The following HLF variants were observed in gnomAD, a reference collection of about 807,000 sequenced individuals.
HLF encodes hepatic leukemia factor.
HLF carries 3 observed loss-of-function variants against 22.6 expected under a neutral mutation model. The observed-to-expected ratio is 0.13, with a 90% CI of 0.06 to 0.34. The LOEUF (loss-of-function observed/expected upper bound fraction) is 0.34, where lower values mean the gene tolerates loss of function less well. Among genes scored for constraint, HLF ranks in the 10% least tolerant of loss-of-function variants. HLF has a pLI of 1.00. For synonymous variants in HLF, 151 were observed against 151.8 expected (o/e 0.99, Z 0.04); for missense variants, 299 against 389.2 (o/e 0.77, Z 1.95).
intron 2 of HLF, among the ~76,000 whole-genome samples, chr17:55,303,245 C>T (rs1904384552): frequency 6.6e-6 from 1 of 152,180 alleles, no homozygotes; most frequent in Admixed American, 6.5e-5. Context: ...ATGGTCATCA[C>T]ACCCACCATC....
chr17:55,275,585 G>A (rs1001391549), intron 2 of HLF, among the ~76,000 whole-genome samples: 1 of 152,110 alleles, frequency 6.6e-6, no homozygotes, highest in African/African-American at 2.4e-5. Context: ...TTTATCCTCC[G>A]GCTTGCAAGC....
Position 55,265,200 on chromosome 17 carries a change from T to G in HLF, c.-285T>G. 6.7e-6 allele frequency: 2 copies of G among 300,464 alleles called. No individual in the cohort carries two copies. Among genetic ancestry groups the G allele is most frequent in the South Asian group, 1.2e-4 (1 of 8,334 alleles). The allele number at this position is 300,464 out of a possible 1,614,324, so 18.6% of individuals were successfully genotyped here. ...TTTGAACATTTTGCAAAACGAGGGG[T>G]TCGAGGCAGGTGAGAGCATCCTGCA... On this transcript the variant is annotated 5_prime_UTR_variant, in exon 1 of 4. Coordinates refer to ENST00000226067, the MANE Select transcript of HLF (RefSeq NM_002126.5).
intron 2 of HLF, among the ~76,000 whole-genome samples, chr17:55,290,767 C>T (rs2081054276): frequency 1.3e-5 from 2 of 152,212 alleles, no homozygotes; most frequent in South Asian, 2.1e-4. Flanking sequence ...GAAGGTAGGT[C>T]GAAAGCCAAG....
At chr17:55,291,655 A>T (rs531862720) in intron 2 of HLF, among the ~76,000 whole-genome samples, 26 of 152,356 alleles carry the variant, frequency 1.7e-4, no homozygotes, top group Non-Finnish European at 2.6e-4. Flanking sequence ...CAGCCTATGG[A>T]TCAAGGAATA....
intron 2 of HLF, among the ~76,000 whole-genome samples, chr17:55,310,159 C>T (rs891332021): frequency 6.6e-6 from 1 of 152,148 alleles, no homozygotes; most frequent in African/African-American, 2.4e-5. Context: ...TTTGTTCCAC[C>T]CTTTCCTCCA....
At chr17:55,293,871 A>G (rs1478365975) in intron 2 of HLF, among the ~76,000 whole-genome samples, 3 of 152,238 alleles carry the variant, frequency 2.0e-5, no homozygotes, top group Middle Eastern at 3.4e-3. Flanking sequence ...TGTACCAGGG[A>G]CCTAGATGTG....
chr17:55,269,941 G>C (rs1001107992), intron 2 of HLF, among the ~76,000 whole-genome samples: 1 of 152,188 alleles, frequency 6.6e-6, no homozygotes, highest in Non-Finnish European at 1.5e-5. Flanking sequence ...TACCATGTTA[G>C]GAATACTATA....
In HLF at chr17:55,293,405, G is replaced by A. The variant is rs376625759; in HGVS notation, c.452-21822G>A. Among the ~76,000 whole-genome samples the A allele has an allele frequency of 1.1e-3, 163 of 152,260 alleles. 1 individual carries two copies. Among genetic ancestry groups the A allele is most frequent in the Middle Eastern group, 6.8e-3 (2 of 294 alleles). On this transcript the variant is annotated intron_variant, in intron 2 of 3. Transcript: ENST00000226067. ...GAGCTTCCCCCTTTATCTGCTGGCT[G>A]GTGAAGTCCTGAGAACCGGGCAGTC... is the stretch of plus-strand genomic sequence containing the variant.
chr17:55,313,120 A>C (rs770689438), intron 2 of HLF, among the ~76,000 whole-genome samples: 1 of 152,150 alleles, frequency 6.6e-6, no homozygotes, highest in Non-Finnish European at 1.5e-5. Context: ...ACCTACTTCC[A>C]TTGGAGGAAA....
rs754318054 is a variant in HLF at position 55,323,047 on chromosome 17, G to A, written c.*2168G>A. Reference sequence around the variant, plus strand: ...CCTTTAATGATCTGGTGGTCTCCTCGTCAATCCATCAGCAATGCTTCTCTC... The same window carrying A: ...CCTTTAATGATCTGGTGGTCTCCTCATCAATCCATCAGCAATGCTTCTCTC... On this transcript the variant is annotated 3_prime_UTR_variant, in exon 4 of 4. Transcript: ENST00000226067. 2.0e-4 allele frequency: 43 copies of A among 220,010 alleles called. No individual in the cohort carries two copies. Among genetic ancestry groups the A allele is most frequent in the South Asian group, 5.6e-4 (3 of 5,394 alleles). The allele number at this position is 220,010 out of a possible 1,614,324, so 13.6% of individuals were successfully genotyped here.
At chr17:55,316,820 T>C (rs1363115857) in intron 3 of HLF, among the ~76,000 whole-genome samples, 1 of 151,840 alleles carries the variant, frequency 6.6e-6, no homozygotes, top group Non-Finnish European at 1.5e-5. Flanking sequence ...CACCAGAAAA[T>C]CTAAACTAGT....
In HLF at chr17:55,280,269, A is replaced by C. The variant is rs536765245; in HGVS notation, c.451+12183A>C. ...GCTTTTGAGTTATTGCAGGGAAGAA[A>C]GGATCAGGAAGAGATACAGCAGGTG... On this transcript the variant is annotated intron_variant, in intron 2 of 3. Coordinates refer to ENST00000226067, the MANE Select transcript of HLF (RefSeq NM_002126.5). Among the ~76,000 whole-genome samples, 4 of 152,346 alleles carry C rather than the reference A, an allele frequency of 2.6e-5. No homozygotes were observed. In the South Asian group the frequency reaches 8.3e-4, roughly 32 times the overall value.
In HLF at chr17:55,313,351, G is replaced by GGTGTGT. The variant is rs1248035425; in HGVS notation, c.452-1874_452-1869dup. Among the ~76,000 whole-genome samples, 1,284 of 132,780 alleles carry GGTGTGT rather than the reference G, an allele frequency of 9.7e-3. 5 individuals carry two copies. Among genetic ancestry groups the GGTGTGT allele is most frequent in the Middle Eastern group, 0.025 (7 of 278 alleles). 87.1% of individuals were successfully genotyped at this position (132,780 alleles called of 152,430 possible). On this transcript the variant is annotated intron_variant, in intron 2 of 3. Transcript: ENST00000226067. ...GACCATGTGGTATGGTAGAGGAGGA[G>GGTGTGT]GTGTGTGCGTGTGTGTGTGTGTGTG...
At chr17:55,305,807 A>G (rs923735739) in intron 2 of HLF, among the ~76,000 whole-genome samples, 1 of 152,188 alleles carries the variant, frequency 6.6e-6, no homozygotes, top group Admixed American at 6.5e-5. Flanking sequence ...TTGGGGCACA[A>G]TTAGGCTTCC....
intron 2 of HLF, among the ~76,000 whole-genome samples, chr17:55,277,262 T>TGC (rs2080913184): frequency 4.9e-5 from 7 of 142,070 alleles, no homozygotes; most frequent in Non-Finnish European, 6.1e-5. Context: ...TGTGTGTGTG[T>TGC]GTGTGTGTGT....
intron 2 of HLF, among the ~76,000 whole-genome samples, chr17:55,311,307 TA>T (rs1008184256): frequency 4.0e-4 from 61 of 151,888 alleles, no homozygotes; most frequent in African/African-American, 1.5e-3. Flanking sequence ...TAGTCTCTAC[TA>T]AAAAATACAA....
intron 2 of HLF, among the ~76,000 whole-genome samples, chr17:55,298,862 C>A (rs1000908078): frequency 6.6e-6 from 1 of 152,194 alleles, no homozygotes; most frequent in Non-Finnish European, 1.5e-5. Flanking sequence ...TGGCTTGCAT[C>A]TGAATGTAAA....
chr17:55,317,930 G>T (rs1905131591), intron 3 of HLF, among the ~76,000 whole-genome samples: 1 of 152,130 alleles, frequency 6.6e-6, no homozygotes, highest in African/African-American at 2.4e-5. Context: ...TGCTTTTAAT[G>T]GTCCATTCAT....
intron 2 of HLF, among the ~76,000 whole-genome samples, chr17:55,280,800 A>G (rs1214871166): frequency 1.3e-5 from 2 of 152,212 alleles, no homozygotes; most frequent in African/African-American, 4.8e-5. Context: ...ACCAGAGGGA[A>G]ACGTGGCAGA....
Sources: gnomAD v4.1 joint callset for allele counts (sites outside exome capture counted in the v4.1 genomes callset) on GRCh38, gnomAD v4.1.1 for gene constraint, MANE v1.5 for transcripts, NCBI Gene and HGNC (gene_info 2026-07-23, HGNC 2026-07-21) for gene names.